Variants in CSPP1 observed in about 807,000 individuals in gnomAD.
CSPP1 encodes centrosome and spindle pole-associated protein 1.
CSPP1 carries 126 observed loss-of-function variants against 164.4 expected under a neutral mutation model. The ratio of observed to expected loss-of-function variants is 0.77; its 90% CI spans 0.66 to 0.89. The LOEUF is 0.89. Ranked by LOEUF, CSPP1 falls within the 40% of genes least tolerant of loss-of-function variation. The pLI is 0.00. For missense variants in CSPP1, 1,395 were observed against 1,449.8 expected, an observed-to-expected ratio of 0.96 and a Z score of 0.61; for synonymous variants, 472 against 476.7, an observed-to-expected ratio of 0.99 and a Z score of 0.13.
intron 8 of CSPP1, among the ~76,000 whole-genome samples, chr8:67,104,967 T>TATATATATATA (rs61548979): frequency 1.1e-4 from 10 of 87,618 alleles, no homozygotes; most frequent in East Asian, 5.7e-4. Flanking sequence ...TATATATATA[T>TATATATATATA]TTTTTTTTTT....
intron 1 of CSPP1, among the ~76,000 whole-genome samples, chr8:67,072,118 C>A (rs1205002800): frequency 6.6e-6 from 1 of 151,892 alleles, no homozygotes; most frequent in Non-Finnish European, 1.5e-5. Flanking sequence ...ACGGTGAAAT[C>A]CCGTCTCTAC....
intron 3 of CSPP1, among the ~76,000 whole-genome samples, chr8:67,081,891 C>T (rs1809270560): frequency 6.6e-6 from 1 of 152,174 alleles, no homozygotes; most frequent in Non-Finnish European, 1.5e-5. Context: ...ACTACAGGCT[C>T]AGGCCACCAT....
chr8:67,134,128 T>C (rs962947177), intron 16 of CSPP1: 11 of 152,314 alleles, frequency 7.2e-5, no homozygotes, highest in African/African-American at 2.6e-4. Flanking sequence ...TTGACTTCCT[T>C]CCATGACTCA....
intron 28 of CSPP1, among the ~76,000 whole-genome samples, chr8:67,189,568 T>C (rs1467590211): frequency 1.3e-5 from 2 of 152,218 alleles, no homozygotes; most frequent in Non-Finnish European, 2.9e-5. Context: ...ATTTGGAAAA[T>C]CTGAATATCA....
At chr8:67,174,038 ATAAG>A (rs1360429017) in intron 25 of CSPP1, 1 of 152,188 alleles carries the variant, frequency 6.6e-6, no homozygotes, top group Non-Finnish European at 1.5e-5. Context: ...TGTGACATAC[ATAAG>A]TAAAGCTCTT....
At chr8:67,163,517 A>G (rs1828762712) in intron 22 of CSPP1, among the ~76,000 whole-genome samples, 1 of 152,090 alleles carries the variant, frequency 6.6e-6, no homozygotes, top group African/African-American at 2.4e-5. Flanking sequence ...TCGTGATGAG[A>G]AGGAAGAATA....
chr8:67,074,787 T>C (rs746935007), intron 2 of CSPP1: 35 of 168,268 alleles, frequency 2.1e-4, no homozygotes, highest in Non-Finnish European at 4.1e-4. Context: ...AAATAATTGC[T>C]TTTTTTTTTT....
At chr8:67,151,333 A>G (rs1012129101) in intron 18 of CSPP1, among the ~76,000 whole-genome samples, 12 of 152,188 alleles carry the variant, frequency 7.9e-5, no homozygotes, top group Non-Finnish European at 1.3e-4. Flanking sequence ...GAACATCACA[A>G]CACCTTTTCA....
Position 67,174,117 on chromosome 8 carries a change from T to C in CSPP1, c.2969-1179T>C, listed in dbSNP as rs538737834. 2.0e-5 allele frequency: 3 copies of C among 152,312 alleles called. No individual in the cohort carries two copies. In the South Asian group the frequency reaches 6.2e-4, roughly 32 times the overall value. The allele number at this position is 152,312 out of a possible 1,614,324, so 9.4% of individuals were successfully genotyped here. On this transcript the variant is annotated intron_variant, in intron 25 of 30. Coordinates refer to ENST00000678616, the MANE Select transcript of CSPP1 (RefSeq NM_001382391.1). ...GACCAAAAAGGTTTAAGCCATAGAA[T>C]TGGGCTGTTCATTTCCCTGTGTTAC...
chr8:67,193,143 T>C (rs55747031), intron 29 of CSPP1, among the ~76,000 whole-genome samples: 9 of 152,250 alleles, frequency 5.9e-5, no homozygotes, highest in Non-Finnish European at 1.2e-4. Context: ...TTTTTTGAGA[T>C]AGAGTCTCTG....
chr8:67,146,158 T>C (rs1351971764), intron 17 of CSPP1, among the ~76,000 whole-genome samples: 2 of 150,222 alleles, frequency 1.3e-5, no homozygotes, highest in Non-Finnish European at 3.0e-5. Flanking sequence ...GGTCTCACTC[T>C]GTCACCCAGG....
chr8:67,111,570 G>A (rs1221637897), intron 9 of CSPP1, among the ~76,000 whole-genome samples: 2 of 152,110 alleles, frequency 1.3e-5, no homozygotes, highest in East Asian at 1.9e-4. Context: ...CTCCAGTATT[G>A]GGCCATTAGT....
chr8:67,159,860 CTTTCTT>C (rs1827516474), intron 21 of CSPP1, among the ~76,000 whole-genome samples: 1 of 24,624 alleles, frequency 4.1e-5, no homozygotes, highest in Non-Finnish European at 7.0e-5. Flanking sequence ...CTTTTTCTTT[CTTTCTT>C]TCTTTCTTTC....
At chr8:67,183,839 G>A (rs1833639458) in intron 28 of CSPP1, among the ~76,000 whole-genome samples, 1 of 145,902 alleles carries the variant, frequency 6.9e-6, no homozygotes, top group African/African-American at 2.6e-5. Flanking sequence ...GTAAAAAATT[G>A]GGAATTTTTT....
At chr8:67,126,581 G>A (rs1175232437) in intron 15 of CSPP1, among the ~76,000 whole-genome samples, 1 of 152,104 alleles carries the variant, frequency 6.6e-6, no homozygotes, top group African/African-American at 2.4e-5. Flanking sequence ...CAGTACCCTG[G>A]CAATTTACAT....
intron 2 of CSPP1, among the ~76,000 whole-genome samples, chr8:67,076,281 T>C (rs1471513468): frequency 1.3e-5 from 2 of 152,212 alleles, no homozygotes; most frequent in East Asian, 1.9e-4. Context: ...TAAATATTTG[T>C]TGGTAAGTGA....
At position 67,125,496 on chromosome 8, in the gene CSPP1, T is replaced by A. The variant is rs143077757; in HGVS notation, c.1698-6455T>A. Among the ~76,000 whole-genome samples, 40 of 152,340 alleles carry A rather than the reference T, an allele frequency of 2.6e-4. No individual in the cohort carries two copies. The East Asian group carries it at 6.8e-3, about 26-fold the overall frequency. ...GTAGATTAATATTTTTCATCTAATTTGGGAAATTTTTGCCCATTATTTTTT... is the reference window on the plus strand; with the variant it reads ...GTAGATTAATATTTTTCATCTAATTAGGGAAATTTTTGCCCATTATTTTTT... On this transcript the variant is annotated intron_variant, in intron 15 of 30. Coordinates refer to ENST00000678616, the MANE Select transcript of CSPP1 (RefSeq NM_001382391.1).
chr8:67,112,157 TATG>T, intron 10 of CSPP1, 92 bp downstream of exon 10: 3 of 756,158 alleles, frequency 4.0e-6, no homozygotes, highest in Non-Finnish European at 6.6e-6. Flanking sequence ...GTCGTTCTAA[TATG>T]ATGTTTGATT....
rs556892786 is a variant in CSPP1, at chr8:67,189,319, C to G, written c.3221-1331C>G. 2.7e-4 allele frequency among the ~76,000 whole-genome samples: 41 copies of G among 152,312 alleles called. 1 individual carries two copies. The South Asian group carries it at 7.9e-3, about 29-fold the overall frequency. ...CCATAAAGAAACTGGCACACAGATA[C>G]TTATAGCACCTTTATTCATAATTGC... On this transcript the variant is annotated intron_variant, in intron 28 of 30. Coordinates refer to ENST00000678616, the MANE Select transcript of CSPP1 (RefSeq NM_001382391.1).
Sources: gnomAD v4.1 joint callset for allele counts (sites outside exome capture counted in the v4.1 genomes callset) on GRCh38, gnomAD v4.1.1 for gene constraint, MANE v1.5 for transcripts, NCBI Gene and HGNC (gene_info 2026-07-23, HGNC 2026-07-21) for gene names.